Variants in ANAPC7 observed in about 807,000 individuals in gnomAD.
ANAPC7 encodes anaphase-promoting complex subunit 7.
A neutral mutation model predicts 63.3 loss-of-function variants in ANAPC7; 25 were observed. That is an observed-to-expected ratio of 0.39 (90% CI 0.29 to 0.55). ANAPC7 has a LOEUF of 0.55. Ranked by LOEUF, ANAPC7 falls within the 20% of genes least tolerant of loss-of-function variation. The probability of loss-of-function intolerance (pLI) is 0.57; values close to 1 mark genes in which losing one functional copy is unlikely to be tolerated. For synonymous variants in ANAPC7, 241 were observed against 251.7 expected (o/e 0.96, Z 0.40); for missense variants, 516 against 691.7 (o/e 0.75, Z 2.85).
At chr12:110,385,072 T>A (rs1381439198) in intron 6 of ANAPC7, among the ~76,000 whole-genome samples, 1 of 152,176 alleles carries the variant, frequency 6.6e-6, no homozygotes, top group Non-Finnish European at 1.5e-5. Context: ...CAGACCAGCC[T>A]GGCTAACATG....
intron 5 of ANAPC7, 173 bp from the exon 6 acceptor site, chr12:110,386,642 G>A: frequency 1.7e-6 from 1 of 574,338 alleles, no homozygotes; most frequent in Non-Finnish European, 2.9e-6. Context: ...GGACAGGATA[G>A]CAAAAACAAA....
chr12:110,395,302 A>C, intron 2 of ANAPC7, 82 bp from the exon 3 acceptor site: 1 of 1,387,386 alleles, frequency 7.2e-7, no homozygotes, highest in South Asian at 1.4e-5. Flanking sequence ...TAGAGTTATC[A>C]TATGACCCAG....
Position 110,381,895 on chromosome 12 carries a change from T to C in ANAPC7, c.989A>G (p.Lys330Arg), listed in dbSNP as rs1180030988. 3 of 1,607,402 alleles carry C rather than the reference T, an allele frequency of 1.9e-6. No individual in the cohort carries two copies. The highest frequency in any genetic ancestry group is 1.7e-5 in the Admixed American group (1 of 59,652). Residue 330 changes from lysine to arginine, a missense_variant, in exon 8 of 11, where the codon AAG (lysine) becomes AGG (arginine). Lys to Arg is a conservative substitution (Grantham distance 26). Transcript: ENST00000455511. ...RYSRALYLGA[K>R]AIQLNSNSVQ... ...ACTATTACTGTTCAGCTGAATGGCC[T>C]TGGCTCCTAAATAGAGGGCCCGGGA... is the stretch of plus-strand genomic sequence containing the variant.
At chr12:110,388,733 A>T in intron 3 of ANAPC7, 110 bp from the exon 4 acceptor site, 1 of 786,876 alleles carries the variant, frequency 1.3e-6, no homozygotes, top group Non-Finnish European at 2.1e-6. Flanking sequence ...TTTACTGGAA[A>T]ATCTACCCAC....
intron 9 of ANAPC7, among the ~76,000 whole-genome samples, chr12:110,376,826 A>AT (rs1415116859): frequency 6.6e-6 from 1 of 151,870 alleles, no homozygotes; most frequent in South Asian, 2.1e-4. Context: ...CTCAAACCAG[A>AT]TAACAGTGAG....
At chr12:110,397,152 T>A (rs2062154898) in intron 1 of ANAPC7, among the ~76,000 whole-genome samples, 1 of 150,138 alleles carries the variant, frequency 6.7e-6, no homozygotes, top group Non-Finnish European at 1.5e-5. Flanking sequence ...TGAGCCGAGA[T>A]CATGCCACTG....
At chr12:110,397,612 G>C (rs2062162528) in intron 1 of ANAPC7, among the ~76,000 whole-genome samples, 3 of 151,548 alleles carry the variant, frequency 2.0e-5, no homozygotes, top group South Asian at 4.2e-4. Flanking sequence ...AAAGGAGAAT[G>C]GGGGGCTGGG....
intron 2 of ANAPC7, 24 bp downstream of exon 2, chr12:110,396,242 A>AT (rs1157139924): frequency 1.3e-6 from 2 of 1,581,432 alleles, no homozygotes; most frequent in African/African-American, 2.8e-5. Flanking sequence ...AAAAAAAAAA[A>AT]ATCACAATTC....
intron 8 of ANAPC7, among the ~76,000 whole-genome samples, chr12:110,380,409 T>C (rs150013087): frequency 0.066 from 9,758 of 147,388 alleles, 487 homozygotes; most frequent in African/African-American, 0.14. Flanking sequence ...TCCCAGAACT[T>C]TGGGAGGCCA....
chr12:110,400,012 AC>A (rs2062205773), intron 1 of ANAPC7, among the ~76,000 whole-genome samples: 1 of 151,488 alleles, frequency 6.6e-6, no homozygotes, highest in African/African-American at 2.4e-5. Context: ...AACTGCTTGA[AC>A]CCAGCAGGCG....
chr12:110,387,299 GAGAGAGAGAGAC>G (rs1882619428), intron 5 of ANAPC7: 1 of 130,240 alleles, frequency 7.7e-6, no homozygotes, highest in Non-Finnish European at 1.7e-5. Flanking sequence ...GAGAGAGAGA[GAGAGAGAGAGAC>G]AGAGAGACAG....
chr12:110,394,817 G>C (rs1883430642), intron 3 of ANAPC7, among the ~76,000 whole-genome samples: 2 of 152,016 alleles, frequency 1.3e-5, no homozygotes, highest in Non-Finnish European at 2.9e-5. Context: ...CTGTACTGTA[G>C]CCTGGGTGAC....
intron 7 of ANAPC7, 24 bp from the exon 8 acceptor site, chr12:110,381,972 A>AAAAAAAAAAAAAC: frequency 6.8e-7 from 1 of 1,471,986 alleles, no homozygotes. Context: ...AAAAAAAAAA[A>AAAAAAAAAAAAAC]ACACAAAAAC....
At chr12:110,375,645 T>C in intron 10 of ANAPC7, 1 of 857,378 alleles carries the variant, frequency 1.2e-6, no homozygotes, top group Non-Finnish European at 1.4e-6. Flanking sequence ...TCACAGGTGG[T>C]GAAGGTAGTA....
At chr12:110,375,829 T>G in intron 10 of ANAPC7, 1 of 1,202,240 alleles carries the variant, frequency 8.3e-7, no homozygotes, top group Non-Finnish European at 1.0e-6. Context: ...TGAACACAGA[T>G]GTTATAGTGG....
intron 7 of ANAPC7, among the ~76,000 whole-genome samples, chr12:110,382,461 A>AATATATATATATATATAT (rs66967302): frequency 2.6e-4 from 8 of 30,830 alleles, no homozygotes; most frequent in Non-Finnish European, 3.7e-4. Flanking sequence ...AAAAAAAAAA[A>AATATATATATATATATAT]ATATATATAT....
rs1388240977 is a variant in ANAPC7, at chr12:110,373,507, CT to C, written c.*636del. 9 of 152,248 alleles carry C rather than the reference CT, an allele frequency of 5.9e-5. No homozygotes were observed. The highest frequency in any genetic ancestry group is 2.2e-4 in the African/African-American group (9 of 41,460). The allele number at this position is 152,248 out of a possible 1,614,324, so 9.4% of individuals were successfully genotyped here. On this transcript the variant is annotated 3_prime_UTR_variant, in exon 11 of 11. Coordinates refer to ENST00000455511, the MANE Select transcript of ANAPC7 (RefSeq NM_016238.3). The stretch of plus-strand genomic sequence containing the variant: ...TGTACAAACCAGTTTTATTAGGGAA[CT>C]GCCCCAGGTGCACCTCTGGTTCATG...
Position 110,381,954 on chromosome 12 carries a change from G to GAGAGAAAAA in ANAPC7, c.936-7_936-6insTTTTTCTCT. The stretch of plus-strand genomic sequence containing the variant: ...TGCTATAGAAGCTGTGACAGCTGGA[G>GAGAGAAAAA]AAAAAAAAAAAAAAAAAAACACAAA... On this transcript the variant is annotated splice_polypyrimidine_tract_variant and splice_region_variant and intron_variant, in intron 7 of 10. Transcript: ENST00000455511. 3 of 975,622 alleles carry GAGAGAAAAA rather than the reference G, an allele frequency of 3.1e-6. No individual in the cohort carries two copies. Among genetic ancestry groups the GAGAGAAAAA allele is most frequent in the South Asian group, 2.0e-5 (1 of 49,302 alleles). The allele number at this position is 975,622 out of a possible 1,614,324, so 60.4% of individuals were successfully genotyped here.
chr12:110,382,459 A>ATATATAT (rs1229764014), intron 7 of ANAPC7, among the ~76,000 whole-genome samples: 38 of 51,908 alleles, frequency 7.3e-4, no homozygotes, highest in Admixed American at 1.7e-3. Flanking sequence ...AAAAAAAAAA[A>ATATATAT]AAATATATAT....
Sources: allele counts gnomAD v4.1 joint callset (sites outside exome capture counted in the v4.1 genomes callset), GRCh38; gene constraint gnomAD v4.1.1; transcripts MANE v1.5; gene names NCBI Gene and HGNC (gene_info 2026-07-23, HGNC 2026-07-21).